ANXA2: variants seen among roughly 807,000 people sequenced by gnomAD.
ANXA2 encodes the protein annexin II.
In ANXA2, 28 loss-of-function variants were observed where a neutral mutation model predicts 47.3. The ratio of observed to expected loss-of-function variants is 0.59; its 90% confidence interval spans 0.44 to 0.81. ANXA2 has a LOEUF of 0.81. ANXA2 is among the 40% of genes least tolerant of loss of function. ANXA2 has a pLI of 0.00. For synonymous variants in ANXA2, 172 were observed against 155.5 expected (o/e 1.11, Z -0.79); for missense variants, 384 against 414.3 (o/e 0.93, Z 0.64).
At chr15:60,379,907 A>G (rs1172697489) in intron 3 of ANXA2, among the ~76,000 whole-genome samples, 2 of 152,206 alleles carry the variant, frequency 1.3e-5, no homozygotes, top group Non-Finnish European at 2.9e-5. Flanking sequence ...CTGTGACCAG[A>G]GTTCATTTGC....
At chr15:60,388,123 G>T (rs1482153146) in intron 1 of ANXA2, among the ~76,000 whole-genome samples, 1 of 151,960 alleles carries the variant, frequency 6.6e-6, no homozygotes, top group African/African-American at 2.4e-5. Flanking sequence ...AGAAGGCAGA[G>T]GTAGCAGTGA....
intron 3 of ANXA2, among the ~76,000 whole-genome samples, chr15:60,381,700 G>A (rs987113634): frequency 2.0e-4 from 30 of 151,792 alleles, no homozygotes; most frequent in Admixed American, 9.2e-4. Flanking sequence ...AGAACTTACC[G>A]GGGTTTAAAA....
chr15:60,363,581 C>T (rs957449384), intron 4 of ANXA2, among the ~76,000 whole-genome samples: 4 of 152,142 alleles, frequency 2.6e-5, no homozygotes, highest in Non-Finnish European at 4.4e-5. Flanking sequence ...TAAAGCAGCA[C>T]GTCCTTAAAA....
intron 12 of ANXA2, 38 bp downstream of exon 12, chr15:60,349,037 G>A: frequency 6.2e-7 from 1 of 1,612,774 alleles, no homozygotes; most frequent in Non-Finnish European, 8.5e-7. Flanking sequence ...GGGGTGCTCT[G>A]GACGGCAGGG....
At chr15:60,367,182 CCCGTCCGGCCAG>C (rs1365831734) in intron 3 of ANXA2, among the ~76,000 whole-genome samples, 5 of 79,298 alleles carry the variant, frequency 6.3e-5, no homozygotes, top group Non-Finnish European at 1.0e-4. Flanking sequence ...GGGTCAGCCC[CCCGTCCGGCCAG>C]CCGCCCCGTC....
At position 60,355,948 on chromosome 15, in the gene ANXA2, A is replaced by G; in HGVS notation, c.499T>C (p.Phe167Leu). The change falls in exon 7 of 13, where the codon TTC becomes CTC. Residue 167 changes from phenylalanine (F) to leucine (L), a missense_variant. Physicochemically the swap from Phe to Leu is conservative, Grantham distance 22. Transcript: ENST00000451270. ...KDIISDTSGDFRKLMVALAKG... is the reference protein window; with the variant it reads ...KDIISDTSGDLRKLMVALAKG... ...GCCAGGGCAACCATCAGCTTGCGGA[A>G]GTCACCAGATGTGTCCGAAATAATG... 2 of 1,614,218 alleles carry G rather than the reference A, an allele frequency of 1.2e-6. No individual in the cohort carries two copies. Among genetic ancestry groups the G allele is most frequent in the Non-Finnish European group, 1.7e-6 (2 of 1,180,018 alleles).
chr15:60,375,766 A>C (rs1010765985), intron 3 of ANXA2, among the ~76,000 whole-genome samples: 2 of 152,184 alleles, frequency 1.3e-5, no homozygotes, highest in South Asian at 4.1e-4. Flanking sequence ...AACAAAGCAG[A>C]CTTATTTTGA....
chr15:60,371,759 C>A (rs2062713148), intron 3 of ANXA2, among the ~76,000 whole-genome samples: 1 of 152,190 alleles, frequency 6.6e-6, no homozygotes, highest in South Asian at 2.1e-4. Flanking sequence ...GAGAAGAAAT[C>A]ATCTTTACTA....
Position 60,386,023 on chromosome 15 carries a change from C to A in ANXA2, c.48+5G>T. ...AATTATATAAAGTGAAAGTGATATA[C>A]TTACATCACCCTCCAAGCTGAGCTT... On this transcript the variant is annotated splice_donor_5th_base_variant and intron_variant, in intron 2 of 12. Transcript: ENST00000451270. 1 of 1,605,968 alleles carries A rather than the reference C, an allele frequency of 6.2e-7. No individual in the cohort carries two copies.
chr15:60,351,080 T>A (rs2140772042), intron 11 of ANXA2, 113 bp downstream of exon 11: 1 of 1,020,348 alleles, frequency 9.8e-7, no homozygotes, highest in African/African-American at 1.6e-5. Flanking sequence ...TGTTCCTGCA[T>A]CCACACAGTG....
chr15:60,355,807 G>A (rs772469836), intron 7 of ANXA2, 112 bp downstream of exon 7: 40 of 940,872 alleles, frequency 4.3e-5, no homozygotes, highest in African/African-American at 3.2e-5. Context: ...AAATGCAGCT[G>A]AATTTCTGAT....
Position 60,354,175 on chromosome 15 carries a change from T to G in ANXA2, c.567A>C (p.Glu189Asp), listed in dbSNP as rs1395011265. ...RAEDGSVIDY[E>D]LIDQDARDLY... The stretch of plus-strand genomic sequence containing the variant: ...TTACCCGAGCATCTTGGTCAATCAG[T>G]TCATAATCAATGACAGAGCCATCCT... The change falls in exon 8 of 13, where the codon GAA (glutamate) becomes GAC (aspartate). Residue 189 changes from glutamate (E) to aspartate (D), a missense_variant. Transcript: ENST00000451270. 6.2e-7 allele frequency: 1 copy of G among 1,613,782 alleles called. No homozygotes were observed. The highest frequency in any genetic ancestry group is 8.5e-7 in the Non-Finnish European group (1 of 1,179,880).
intron 1 of ANXA2, chr15:60,390,509 G>T: frequency 2.0e-6 from 1 of 497,910 alleles, no homozygotes; most frequent in South Asian, 1.5e-5. Flanking sequence ...TGACTATGGT[G>T]GGTAGACTAA....
rs2062873962 is a variant in ANXA2 at position 60,382,379 on chromosome 15, C to A, written c.111G>T (p.Arg37=). 6.2e-7 allele frequency: 1 copy of A among 1,613,794 alleles called. No individual in the cohort carries two copies. The highest frequency in any genetic ancestry group is 1.3e-5 in the African/African-American group (1 of 74,870). The part of the protein sequence containing the change: ...VKAYTNFDAE[R]DALNIETAIK... ...TGGCTGTTTCAATGTTCAAAGCATC[C>A]CGCTCAGCATCAAAGTTAGTATAGG... Residue 37 remains arginine, a synonymous_variant, in exon 3 of 13, where the codon CGG becomes CGT. Coordinates refer to ENST00000451270, the MANE Select transcript of ANXA2 (RefSeq NM_004039.3).
intron 5 of ANXA2, among the ~76,000 whole-genome samples, chr15:60,357,821 A>G (rs1176655544): frequency 6.6e-6 from 1 of 151,972 alleles, no homozygotes; most frequent in African/African-American, 2.4e-5. Context: ...GTGAATAGGA[A>G]GAGGCAGCAA....
Position 60,351,762 on chromosome 15 carries a change from T to A in ANXA2, c.740A>T (p.Glu247Val). ...PYDMLESIRK[E>V]VKGDLENAFL... ...AGCATTTTCCAGGTCTCCTTTAACC[T>A]CTTTCCTGATGCTTTCCAACATGTC... The change falls in exon 10 of 13, where the codon GAG becomes GTG. Residue 247 changes from glutamate (E) to valine (V), a missense_variant. Transcript: ENST00000451270. The A allele has an allele frequency of 6.2e-7, 1 of 1,613,866 alleles. No individual in the cohort carries two copies. Among genetic ancestry groups the A allele is most frequent in the Non-Finnish European group, 8.5e-7 (1 of 1,179,734 alleles).
chr15:60,360,991 A>C lies in ANXA2; in HGVS notation c.307T>G (p.Leu103Val). 2.5e-6 allele frequency: 4 copies of C among 1,614,098 alleles called. No homozygotes were observed. Among genetic ancestry groups the C allele is most frequent in the Non-Finnish European group, 3.4e-6 (4 of 1,179,926 alleles). The change falls in exon 5 of 13, where the codon TTG becomes GTG. Residue 103 changes from leucine (L) to valine (V), a missense_variant. By Grantham distance (32) the Leu-to-Val change is conservative (BLOSUM62 1). Coordinates refer to ENST00000451270, the MANE Select transcript of ANXA2 (RefSeq NM_004039.3). ...GHLETVILGL[L>V]KTPAQYDASE... ...GCGTCATACTGAGCAGGTGTCTTCA[A>C]TAGGCCCAAAATCACCGTCTCCAGG...
chr15:60,367,216 T>TG (rs1337555625), intron 3 of ANXA2, among the ~76,000 whole-genome samples: 1 of 10,928 alleles, frequency 9.2e-5, no homozygotes, highest in Non-Finnish European at 1.7e-4. Flanking sequence ...GGGAGGGAGG[T>TG]GGGGGGGGTC....
At chr15:60,368,316 A>AAAAAAAAAT (rs1555401433) in intron 3 of ANXA2, among the ~76,000 whole-genome samples, 3 of 113,972 alleles carry the variant, frequency 2.6e-5, no homozygotes, top group African/African-American at 6.4e-5. Flanking sequence ...AATAAAAAAA[A>AAAAAAAAAT]AAAATAAAAT....
Sources: gnomAD v4.1 joint callset for allele counts (sites outside exome capture counted in the v4.1 genomes callset) on GRCh38, gnomAD v4.1.1 for gene constraint, MANE v1.5 for transcripts, NCBI Gene and HGNC (gene_info 2026-07-23, HGNC 2026-07-21) for gene names.